The following RNFT2 variants were observed in gnomAD, a reference collection of about 807,000 sequenced individuals.
RNFT2 encodes ring finger protein, transmembrane 2, also known as E3 ubiquitin-protein ligase RNFT2.
In RNFT2, 36 loss-of-function variants were observed where a neutral mutation model predicts 53.0. The observed-to-expected ratio is 0.68, with a 90% CI of 0.52 to 0.90. RNFT2 has a LOEUF of 0.90. Ranked by LOEUF, RNFT2 falls within the 40% of genes least tolerant of loss-of-function variation. The pLI, the probability that RNFT2 is intolerant of heterozygous loss-of-function variation, is 0.00. For synonymous variants in RNFT2, 260 were observed against 253.2 expected (o/e 1.03, Z -0.26); for missense variants, 514 against 585.6 (o/e 0.88, Z 1.26).
In RNFT2 at chr12:116,852,840, G is replaced by A; in HGVS notation, c.*3392G>A. The A allele has an allele frequency of 1.2e-6, 1 of 844,472 alleles. No homozygotes were observed. The highest frequency in any genetic ancestry group is 1.9e-6 in the Non-Finnish European group (1 of 521,206). 52.3% of individuals were successfully genotyped at this position (844,472 alleles called of 1,614,324 possible). A position where few individuals can be genotyped will look rare whatever the true frequency, so the allele number is the denominator to read the frequency against. On this transcript the variant is annotated 3_prime_UTR_variant, in exon 11 of 11. Transcript: ENST00000257575. ...ACGGAACCCAGTGTATTACCTGCTG[G>A]AACCAAGGAAACTAACAATGTAGGT...
intron 7 of RNFT2, among the ~76,000 whole-genome samples, chr12:116,796,409 A>G (rs552569096): frequency 6.6e-6 from 1 of 152,288 alleles, no homozygotes; most frequent in East Asian, 1.9e-4. Flanking sequence ...CCATATCCTG[A>G]ATCATCTTAA....
Position 116,750,153 on chromosome 12 carries a change from G to C in RNFT2, c.396G>C (p.Gly132=). ...GCTCCCTGCTGCAGCACGTGGGTGG[G>C]GACCACCGGGGGCACTCGGAGGAGG... ...RGGSLLQHVG[G]DHRGHSEEGG... is the part of the protein sequence containing the mutation. The change falls in exon 4 of 11, where the codon GGG becomes GGC. Residue 132 remains glycine (G), a synonymous_variant. Transcript: ENST00000257575. 6.3e-7 allele frequency: 1 copy of C among 1,587,314 alleles called. No individual in the cohort carries two copies.
At position 116,848,614 on chromosome 12, in the gene RNFT2, C is replaced by T. The variant is rs1336970228; in HGVS notation, c.1201-700C>T. Among the ~76,000 whole-genome samples the T allele has an allele frequency of 3.3e-5, 5 of 152,260 alleles. 1 individual carries two copies. The South Asian group carries it at 8.3e-4, about 25-fold the overall frequency. On this transcript the variant is annotated intron_variant, in intron 10 of 10. Transcript: ENST00000257575. The stretch of plus-strand genomic sequence containing the variant: ...GCTATCCTCTCCTTCCTGTTCCTCC[C>T]GCACATCAAACACAGTCCAGCCTCA...
chr12:116,810,440 AT>A (rs1875317853), intron 7 of RNFT2, among the ~76,000 whole-genome samples: 1 of 152,130 alleles, frequency 6.6e-6, no homozygotes, highest in Admixed American at 6.5e-5. Flanking sequence ...TCTAAGCTCC[AT>A]GGGGGCAGAA....
chr12:116,777,468 A>G (rs555078717), intron 6 of RNFT2, among the ~76,000 whole-genome samples: 64 of 152,320 alleles, frequency 4.2e-4, no homozygotes, highest in African/African-American at 1.5e-3. Flanking sequence ...CAGAAACTGA[A>G]CATGAGGTTT....
intron 7 of RNFT2, among the ~76,000 whole-genome samples, chr12:116,785,348 A>G (rs1223544838): frequency 6.6e-6 from 1 of 151,492 alleles, no homozygotes; most frequent in East Asian, 1.9e-4. Context: ...GCTGGAGTAC[A>G]GAGGCGCAAT....
Position 116,740,414 on chromosome 12 carries a change from C to T in RNFT2, c.-84C>T, listed in dbSNP as rs1162973600. The T allele has an allele frequency of 6.5e-6, 9 of 1,387,216 alleles. No individual in the cohort carries two copies. In the East Asian group the frequency reaches 1.7e-4, roughly 27 times the overall value. 85.9% of individuals were successfully genotyped at this position (1,387,216 alleles called of 1,614,324 possible). ...AGACGAAGAGGAGGGGGAGGCCTGT[C>T]CTCTCTGGGATCCATTGGTCACATC... On this transcript the variant is annotated 5_prime_UTR_variant, in exon 2 of 11. Coordinates refer to ENST00000257575, the MANE Select transcript of RNFT2 (RefSeq NM_001382266.1).
chr12:116,843,842 T>A (rs1877475724), intron 10 of RNFT2, among the ~76,000 whole-genome samples: 1 of 152,224 alleles, frequency 6.6e-6, no homozygotes, highest in Non-Finnish European at 1.5e-5. Flanking sequence ...CTTTCCTGTT[T>A]GGTCATTTGT....
chr12:116,782,816 A>G (rs1169622255), intron 7 of RNFT2, among the ~76,000 whole-genome samples: 1 of 152,170 alleles, frequency 6.6e-6, no homozygotes, highest in Non-Finnish European at 1.5e-5. Context: ...ACAGCTTTCT[A>G]TCCAGGTCTG....
chr12:116,851,601 G>A lies in RNFT2; in HGVS notation c.*2153G>A, dbSNP rs373658470. On this transcript the variant is annotated 3_prime_UTR_variant, in exon 11 of 11. Transcript: ENST00000257575. The stretch of plus-strand genomic sequence containing the variant: ...TAAAAAATACAAAAATTAGCCGGGC[G>A]CGGTGGCGGGTGCCTGTAATCCCAG... The A allele has an allele frequency of 1.3e-5, 8 of 599,820 alleles. No homozygotes were observed. The highest frequency in any genetic ancestry group is 2.1e-5 in the Non-Finnish European group (7 of 339,366). The allele number at this position is 599,820 out of a possible 1,614,324, so 37.2% of individuals were successfully genotyped here. A position where few individuals can be genotyped will look rare whatever the true frequency, so the allele number is the denominator to read the frequency against.
At chr12:116,777,776 T>C (rs1273016177) in intron 6 of RNFT2, among the ~76,000 whole-genome samples, 4 of 152,214 alleles carry the variant, frequency 2.6e-5, no homozygotes, top group Admixed American at 1.3e-4. Context: ...ATTCCCATTT[T>C]ATTCATGAGA....
rs1181759384 is a variant in RNFT2, at chr12:116,849,913, G to A, written c.*465G>A. ...GGCTGGAGTGCAGTGGCACAATCTC[G>A]GCTCGCTGCAACCTCCACCTCCTGG... On this transcript the variant is annotated 3_prime_UTR_variant, in exon 11 of 11. Coordinates refer to ENST00000257575, the MANE Select transcript of RNFT2 (RefSeq NM_001382266.1). 4 of 163,222 alleles carry A rather than the reference G, an allele frequency of 2.5e-5. No homozygotes were observed. Among genetic ancestry groups the A allele is most frequent in the Admixed American group, 8.7e-5 (1 of 11,508 alleles). The allele number at this position is 163,222 out of a possible 1,614,324, so 10.1% of individuals were successfully genotyped here. A position where few individuals can be genotyped will look rare whatever the true frequency, so the allele number is the denominator to read the frequency against.
chr12:116,753,747 T>G (rs529532577), intron 4 of RNFT2, among the ~76,000 whole-genome samples: 1 of 152,290 alleles, frequency 6.6e-6, no homozygotes, highest in Admixed American at 6.5e-5. Context: ...CCTGATCCAG[T>G]GCTATAAAGT....
chr12:116,844,351 C>G (rs927872704), intron 10 of RNFT2, among the ~76,000 whole-genome samples: 1 of 152,204 alleles, frequency 6.6e-6, no homozygotes, highest in African/African-American at 2.4e-5. Context: ...ATTCTCCTGC[C>G]TCAGCCTCCC....
intron 7 of RNFT2, among the ~76,000 whole-genome samples, chr12:116,812,210 C>T (rs1032465480): frequency 3.9e-5 from 6 of 152,290 alleles, no homozygotes; most frequent in South Asian, 4.1e-4. Context: ...GGAGATGGCA[C>T]CTGGAACACA....
At chr12:116,754,448 C>T (rs978082988) in intron 5 of RNFT2, among the ~76,000 whole-genome samples, 11 of 152,122 alleles carry the variant, frequency 7.2e-5, no homozygotes, top group African/African-American at 2.7e-4. Context: ...TATAAACTTG[C>T]GTGTGCAAGT....
In RNFT2 at chr12:116,749,825, T is replaced by TC. The variant is rs1342626489; in HGVS notation, c.84-12dup. The TC allele has an allele frequency of 1.3e-6, 2 of 1,559,990 alleles. No individual in the cohort carries two copies. Among genetic ancestry groups the TC allele is most frequent in the African/African-American group, 2.7e-5 (2 of 73,546 alleles). Reference sequence around the variant, plus strand: ...TCTGCCTGACTTCCTGGGGTTTCTCTCCCCTTGGCACCCAGAAACCGCAGC... The same window carrying TC: ...TCTGCCTGACTTCCTGGGGTTTCTCTCCCCCTTGGCACCCAGAAACCGCAGC... On this transcript the variant is annotated splice_polypyrimidine_tract_variant and intron_variant, in intron 3 of 10. Coordinates refer to ENST00000257575, the MANE Select transcript of RNFT2 (RefSeq NM_001382266.1).
intron 7 of RNFT2, among the ~76,000 whole-genome samples, chr12:116,804,104 A>G (rs1390560667): frequency 1.3e-5 from 2 of 152,204 alleles, no homozygotes; most frequent in African/African-American, 2.4e-5. Flanking sequence ...TTTACTACAC[A>G]TTTATGTCCA....
chr12:116,749,101 G>T (rs573843523), intron 3 of RNFT2, among the ~76,000 whole-genome samples: 9 of 152,114 alleles, frequency 5.9e-5, no homozygotes, highest in African/African-American at 2.2e-4. Context: ...CCACACCCCA[G>T]GGGGCTTAAA....
Sources: allele counts gnomAD v4.1 joint callset (sites outside exome capture counted in the v4.1 genomes callset), GRCh38; gene constraint gnomAD v4.1.1; transcripts MANE v1.5; gene names NCBI Gene and HGNC (gene_info 2026-07-23, HGNC 2026-07-21).